Variants in PKNOX1 observed in about 807,000 individuals in gnomAD.
PKNOX1 encodes PBX/knotted 1 homeobox 1.
Under a neutral mutation model 51.9 loss-of-function variants are expected in PKNOX1, and 15 were observed. The ratio of observed to expected loss-of-function variants is 0.29; its 90% CI spans 0.19 to 0.45. The LOEUF (loss-of-function observed/expected upper bound fraction) is 0.45. Among genes scored for constraint, PKNOX1 ranks in the 20% least tolerant of loss-of-function variants. The probability of loss-of-function intolerance (pLI) is 1.00; values close to 1 mark genes in which losing one functional copy is unlikely to be tolerated. For missense variants in PKNOX1, 462 were observed against 547.5 expected (o/e 0.84, Z 1.56); for synonymous variants, 219 against 211.1 (o/e 1.04, Z -0.32).
chr21:42,995,356 T>C (rs234751), intron 1 of PKNOX1, among the ~76,000 whole-genome samples: 32,006 of 152,120 alleles, frequency 0.21, 3,717 homozygotes, highest in Non-Finnish European at 0.25. Context: ...ATCCTTTTCA[T>C]TGCATCATTG....
rs560992659 is a variant in PKNOX1, at chr21:43,014,166, T to C, written c.522+928T>C. The stretch of plus-strand genomic sequence containing the variant: ...CCTCCTGAGTAGCTGGGACTACAGG[T>C]GCCTGCCACCACACCCGGCTAATTT... On this transcript the variant is annotated intron_variant, in intron 5 of 10. Transcript: ENST00000291547. Among the ~76,000 whole-genome samples the C allele has an allele frequency of 2.1e-3, 326 of 151,838 alleles. 1 individual carries two copies. The highest frequency in any genetic ancestry group is 3.4e-3 in the Non-Finnish European group (234 of 67,922).
At position 43,033,322 on chromosome 21, in the gene PKNOX1, A is replaced by G. The variant is rs1379184708; in HGVS notation, c.*3221A>G. ...GATCCATCTCCTGCCTGTGTGAGGTAGCAGTGGGCACTTTTCATTGAGACA... is the reference window on the plus strand; with the variant it reads ...GATCCATCTCCTGCCTGTGTGAGGTGGCAGTGGGCACTTTTCATTGAGACA... On this transcript the variant is annotated 3_prime_UTR_variant, in exon 11 of 11. Transcript: ENST00000291547. 6.6e-6 allele frequency: 1 copy of G among 152,566 alleles called. No homozygotes were observed. The highest frequency in any genetic ancestry group is 2.4e-5 in the African/African-American group (1 of 41,442). The allele number at this position is 152,566 out of a possible 1,614,324, so 9.5% of individuals were successfully genotyped here. A position where few individuals can be genotyped will look rare whatever the true frequency, so the allele number is the denominator to read the frequency against.
Position 42,989,713 on chromosome 21 carries a change from C to G in PKNOX1, c.-56-14613C>G, listed in dbSNP as rs113129291. Among the ~76,000 whole-genome samples the G allele has an allele frequency of 2.7e-3, 405 of 152,244 alleles. 1 individual carries two copies. The highest frequency in any genetic ancestry group is 4.4e-3 in the Non-Finnish European group (298 of 68,028). On this transcript the variant is annotated intron_variant, in intron 1 of 10. Transcript: ENST00000291547. ...GGATTACAGTCGTGAGCCACCGCCCCCAGCCAAAAAGCAGATTTAAAATGT... is the reference window on the plus strand; with the variant it reads ...GGATTACAGTCGTGAGCCACCGCCCGCAGCCAAAAAGCAGATTTAAAATGT...
intron 4 of PKNOX1, among the ~76,000 whole-genome samples, chr21:43,011,027 G>A (rs532193778): frequency 1.3e-5 from 2 of 151,246 alleles, no homozygotes; most frequent in South Asian, 2.1e-4. Context: ...TCATGGACAT[G>A]GACACAGACT....
chr21:42,993,180 A>G (rs1301603728), intron 1 of PKNOX1, among the ~76,000 whole-genome samples: 3 of 152,178 alleles, frequency 2.0e-5, no homozygotes, highest in East Asian at 1.9e-4. Flanking sequence ...GAGAAATGCC[A>G]TAGAGTTGGG....
intron 1 of PKNOX1, among the ~76,000 whole-genome samples, chr21:42,992,076 G>T (rs934871792): frequency 6.6e-6 from 1 of 152,202 alleles, no homozygotes; most frequent in African/African-American, 2.4e-5. Context: ...CTGCATTCTG[G>T]TCACAGCTGA....
intron 1 of PKNOX1, among the ~76,000 whole-genome samples, chr21:42,986,470 C>T (rs185953723): frequency 7.0e-4 from 106 of 152,258 alleles, no homozygotes; most frequent in African/African-American, 2.5e-3. Context: ...CATTGCACTC[C>T]AGCCTGGGTG....
intron 1 of PKNOX1, among the ~76,000 whole-genome samples, chr21:42,994,632 A>G (rs1380762602): frequency 2.0e-5 from 3 of 151,844 alleles, no homozygotes; most frequent in Admixed American, 6.6e-5. Flanking sequence ...TCTGGACCCA[A>G]TTTATTTATG....
Position 43,012,421 on chromosome 21 carries a change from A to G in PKNOX1, c.352-647A>G, listed in dbSNP as rs376947769. On this transcript the variant is annotated intron_variant, in intron 4 of 10. Coordinates refer to ENST00000291547, the MANE Select transcript of PKNOX1 (RefSeq NM_004571.5). ...CTAAAAATACAAAAATTAGCTGGGCATGGTGGTGCACACCTGTAATCCCAG... is the reference window on the plus strand; with the variant it reads ...CTAAAAATACAAAAATTAGCTGGGCGTGGTGGTGCACACCTGTAATCCCAG... Among the ~76,000 whole-genome samples the G allele has an allele frequency of 5.3e-5, 8 of 152,198 alleles. No homozygotes were observed. The South Asian group carries it at 6.2e-4, about 12-fold the overall frequency.
chr21:42,976,130 C>T (rs372688305), intron 1 of PKNOX1, among the ~76,000 whole-genome samples: 1 of 152,148 alleles, frequency 6.6e-6, no homozygotes. Context: ...TCCAGACCAC[C>T]GCAGTAAAAT....
At chr21:43,016,200 CT>C (rs1568900879) in intron 5 of PKNOX1, among the ~76,000 whole-genome samples, 3 of 152,202 alleles carry the variant, frequency 2.0e-5, no homozygotes, top group African/African-American at 7.2e-5. Context: ...CTGGAGGCTC[CT>C]CTCCCCTGCC....
chr21:42,989,823 G>C (rs2059076511), intron 1 of PKNOX1, among the ~76,000 whole-genome samples: 1 of 152,156 alleles, frequency 6.6e-6, no homozygotes, highest in African/African-American at 2.4e-5. Context: ...TCATGGGCAG[G>C]CATGGTGGCT....
intron 1 of PKNOX1, among the ~76,000 whole-genome samples, chr21:42,983,934 T>C (rs439861): frequency 0.86 from 129,954 of 151,748 alleles, 55,717 homozygotes; most frequent in African/African-American, 0.88. Flanking sequence ...ACTGTCATTT[T>C]GATTTGTATT....
chr21:43,033,764 T>G lies in PKNOX1; in HGVS notation c.*3663T>G, dbSNP rs1450330073. The stretch of plus-strand genomic sequence containing the variant: ...GTCCATTTACATGTCCAAGAATCTT[T>G]TCTTAAATTCCTTACTTTGTTCATT... On this transcript the variant is annotated 3_prime_UTR_variant, in exon 11 of 11. Transcript: ENST00000291547. 6.6e-6 allele frequency: 1 copy of G among 152,214 alleles called. No homozygotes were observed. Among genetic ancestry groups the G allele is most frequent in the African/African-American group, 2.4e-5 (1 of 41,456 alleles). The allele number at this position is 152,214 out of a possible 1,614,324, so 9.4% of individuals were successfully genotyped here. A position where few individuals can be genotyped will look rare whatever the true frequency, so the allele number is the denominator to read the frequency against.
chr21:42,984,396 C>CT (rs990417248), intron 1 of PKNOX1, among the ~76,000 whole-genome samples: 44 of 150,768 alleles, frequency 2.9e-4, no homozygotes, highest in South Asian at 1.5e-3. Context: ...TTTTCTTTTT[C>CT]TTTTTTTTTG....
chr21:43,027,077 G>A (rs1980014366), intron 9 of PKNOX1, among the ~76,000 whole-genome samples: 1 of 152,136 alleles, frequency 6.6e-6, no homozygotes, highest in Admixed American at 6.5e-5. Flanking sequence ...GAGTCTAAAA[G>A]TAATGCTTTT....
intron 1 of PKNOX1, among the ~76,000 whole-genome samples, chr21:42,980,046 G>T (rs1340671497): frequency 6.6e-6 from 1 of 152,194 alleles, no homozygotes. Flanking sequence ...TCTATATGTA[G>T]TTAACGTTTC....
chr21:43,011,628 G>A (rs1444733066), intron 4 of PKNOX1, among the ~76,000 whole-genome samples: 2 of 152,154 alleles, frequency 1.3e-5, no homozygotes, highest in Non-Finnish European at 2.9e-5. Context: ...CAAAGATCCG[G>A]CATCAGGGAA....
intron 1 of PKNOX1, 91 bp downstream of exon 1, chr21:42,974,755 C>G (rs1370065906): frequency 1.2e-5 from 2 of 161,710 alleles, no homozygotes; most frequent in Non-Finnish European, 2.6e-5. Context: ...CCGCCGCCCG[C>G]CGCCGCCGCT....
Sources: allele counts gnomAD v4.1 joint callset (sites outside exome capture counted in the v4.1 genomes callset), GRCh38; gene constraint gnomAD v4.1.1; transcripts MANE v1.5; gene names NCBI Gene and HGNC (gene_info 2026-07-23, HGNC 2026-07-21).